The following SHISA9 variants were observed in gnomAD, a reference collection of about 807,000 sequenced individuals.
SHISA9 encodes the protein protein shisa-9.
Under a neutral mutation model 38.0 loss-of-function variants are expected in SHISA9, and 13 were observed. The observed-to-expected ratio is 0.34, with a 90% CI of 0.22 to 0.54. The LOEUF is 0.54. SHISA9 is among the 20% of genes least tolerant of loss of function. SHISA9 has a pLI of 0.91. For missense variants in SHISA9, 538 were observed against 575.8 expected (o/e 0.93, Z 0.67); for synonymous variants, 275 against 242.0 (o/e 1.14, Z -1.27).
intron 1 of SHISA9, chr16:12,910,778 C>T (rs532490650): frequency 4.2e-6 from 4 of 963,644 alleles, no homozygotes; most frequent in Admixed American, 1.2e-4. Context: ...CAAAGAGATT[C>T]ATTATAAGGA....
chr16:13,021,505 G>C (rs1306395785), intron 2 of SHISA9, among the ~76,000 whole-genome samples: 1 of 152,142 alleles, frequency 6.6e-6, no homozygotes, highest in Non-Finnish European at 1.5e-5. Flanking sequence ...TTCAGGCTTA[G>C]TTATCACACC....
At chr16:13,512,543 A>G in the SHISA9 span, among the ~76,000 whole-genome samples, 36 of 152,338 alleles carry the variant, frequency 2.4e-4, no homozygotes, top group African/African-American at 7.2e-4. Flanking sequence ...GAGAGTCTGT[A>G]TAGCCAGGAC....
the SHISA9 span, among the ~76,000 whole-genome samples, chr16:13,406,617 C>T: frequency 1.3e-5 from 2 of 152,328 alleles, no homozygotes; most frequent in East Asian, 3.9e-4. Flanking sequence ...GCACCAGAAA[C>T]ACGACCCTGC....
At chr16:12,906,294 C>T (rs2071092101) in intron 1 of SHISA9, among the ~76,000 whole-genome samples, 3 of 152,150 alleles carry the variant, frequency 2.0e-5, no homozygotes, top group South Asian at 2.1e-4. Context: ...AGTATGTTGT[C>T]GCACCCCCAT....
At chr16:13,524,854 G>A in the SHISA9 span, among the ~76,000 whole-genome samples, 2 of 151,772 alleles carry the variant, frequency 1.3e-5, no homozygotes, top group East Asian at 1.9e-4. Context: ...TCTTTATTAC[G>A]CAGAGTTGTC....
the SHISA9 span, among the ~76,000 whole-genome samples, chr16:13,528,690 CT>C: frequency 6.6e-6 from 1 of 152,204 alleles, no homozygotes; most frequent in Non-Finnish European, 1.5e-5. Flanking sequence ...GCCATGTCCC[CT>C]GTTCCAGCAC....
chr16:13,131,415 A>G (rs189973944), intron 2 of SHISA9, among the ~76,000 whole-genome samples: 1 of 152,290 alleles, frequency 6.6e-6, no homozygotes, highest in Admixed American at 6.5e-5. Flanking sequence ...TTGACCAATA[A>G]GAACACATGG....
At chr16:13,352,083 G>T in the SHISA9 span, among the ~76,000 whole-genome samples, 1 of 151,996 alleles carries the variant, frequency 6.6e-6, no homozygotes, top group Non-Finnish European at 1.5e-5. Flanking sequence ...GCTGAAGGAG[G>T]GCTTCTTCAG....
intron 4 of SHISA9, among the ~76,000 whole-genome samples, chr16:13,220,334 G>C (rs1460377399): frequency 6.6e-6 from 1 of 152,118 alleles, no homozygotes; most frequent in Non-Finnish European, 1.5e-5. Flanking sequence ...GTCTCATGAG[G>C]GTGGGAGAGG....
chr16:13,016,985 A>C (rs539501096), intron 2 of SHISA9, among the ~76,000 whole-genome samples: 40 of 151,034 alleles, frequency 2.6e-4, no homozygotes, highest in Non-Finnish European at 4.6e-4. Flanking sequence ...GATCTCGGGT[A>C]CCTTTCTTCT....
At chr16:13,367,999 G>C in the SHISA9 span, among the ~76,000 whole-genome samples, 1 of 152,120 alleles carries the variant, frequency 6.6e-6, no homozygotes, top group African/African-American at 2.4e-5. Flanking sequence ...CTGGTGCACT[G>C]CACCCACTAA....
At chr16:12,935,854 GAA>G (rs11428944) in intron 2 of SHISA9, among the ~76,000 whole-genome samples, 2 of 135,080 alleles carry the variant, frequency 1.5e-5, no homozygotes, top group Non-Finnish European at 1.6e-5. Context: ...GTCTCAAAAA[GAA>G]AAAAAAAAAA....
the SHISA9 span, among the ~76,000 whole-genome samples, chr16:13,356,489 G>C: frequency 6.6e-5 from 10 of 152,272 alleles, no homozygotes; most frequent in Middle Eastern, 3.4e-3. Flanking sequence ...CTGGGCAGGA[G>C]GGGGAGGGCT....
chr16:13,420,768 C>T, the SHISA9 span, among the ~76,000 whole-genome samples: 4 of 152,134 alleles, frequency 2.6e-5, no homozygotes, highest in Admixed American at 2.6e-4. Flanking sequence ...CGCACAAATG[C>T]CCCTGACCCT....
chr16:12,921,015 TA>T (rs2071321205), intron 2 of SHISA9, among the ~76,000 whole-genome samples: 2 of 152,206 alleles, frequency 1.3e-5, no homozygotes, highest in Non-Finnish European at 2.9e-5. Context: ...CTAGTGTCTA[TA>T]AAAACAACTA....
chr16:13,219,288 A>G (rs2051200147), intron 4 of SHISA9, among the ~76,000 whole-genome samples: 1 of 152,208 alleles, frequency 6.6e-6, no homozygotes, highest in Non-Finnish European at 1.5e-5. Context: ...CACAGCACAC[A>G]CAGTAGGCAA....
At chr16:13,151,798 A>G (rs963313693) in intron 2 of SHISA9, among the ~76,000 whole-genome samples, 1 of 152,208 alleles carries the variant, frequency 6.6e-6, no homozygotes, top group Non-Finnish European at 1.5e-5. Flanking sequence ...TTGAATTGCT[A>G]TGAGAATGGA....
chr16:13,071,600 C>CCTCCCTTCCTCCCTTCCTTCCTT (rs372979908), intron 2 of SHISA9, among the ~76,000 whole-genome samples: 3 of 145,166 alleles, frequency 2.1e-5, no homozygotes, highest in Admixed American at 7.0e-5. Context: ...TTCCTTCCTT[C>CCTCCCTTCCTCCCTTCCTTCCTT]CCTTTCTTCC....
At chr16:13,469,181 G>C in the SHISA9 span, among the ~76,000 whole-genome samples, 38 of 151,240 alleles carry the variant, frequency 2.5e-4, no homozygotes, top group African/African-American at 8.5e-4. Flanking sequence ...GGTGGAGGTT[G>C]CAGTGAGCTG....
Sources: allele counts gnomAD v4.1 joint callset (sites outside exome capture counted in the v4.1 genomes callset), GRCh38; gene constraint gnomAD v4.1.1; transcripts MANE v1.5; gene names NCBI Gene and HGNC (gene_info 2026-07-23, HGNC 2026-07-21).